The following CELF2 variants were observed in gnomAD, a reference collection of about 807,000 sequenced individuals.
CELF2 encodes the protein CUG triplet repeat RNA-binding protein 2.
In CELF2, 8 loss-of-function variants were observed where a neutral mutation model predicts 62.6. The observed-to-expected ratio is 0.13, with a 90% CI of 0.07 to 0.23. The LOEUF (loss-of-function observed/expected upper bound fraction) is 0.23, where lower values mean the gene tolerates loss of function less well. CELF2 is among the 10% of genes least tolerant of loss of function. The pLI, the probability that CELF2 is intolerant of heterozygous loss-of-function variation, is 1.00. For synonymous variants in CELF2, 258 were observed against 250.0 expected (o/e 1.03, Z -0.30); for missense variants, 333 against 671.0 (o/e 0.50, Z 5.56).
At chr10:10,748,526 A>T in the CELF2 span, among the ~76,000 whole-genome samples, 1 of 152,148 alleles carries the variant, frequency 6.6e-6, no homozygotes, top group East Asian at 1.9e-4. Context: ...AGGTGGGCGG[A>T]TCACGAGGTC....
At position 11,243,002 on chromosome 10, in the gene CELF2, G is replaced by A. The variant is rs1213311591; in HGVS notation, c.355-6151G>A. Among the ~76,000 whole-genome samples the A allele has an allele frequency of 6.6e-6, 1 of 152,164 alleles. No individual in the cohort carries two copies. The highest frequency in any genetic ancestry group is 6.5e-5 in the Admixed American group (1 of 15,276). On this transcript the variant is annotated intron_variant, in intron 3 of 12. Coordinates refer to ENST00000633077, the MANE Select transcript of CELF2 (RefSeq NM_001326342.2). The surrounding 1 kb of genome is among the most constrained non-coding windows in gnomAD (Gnocchi z 4.1). Reference sequence around the variant, plus strand: ...GTCGTGGGTGCAGAAGCTTAGCTTTGGGGTAGAAGGGACAGTGGGCCAGGG... The same window carrying A: ...GTCGTGGGTGCAGAAGCTTAGCTTTAGGGTAGAAGGGACAGTGGGCCAGGG...
At chr10:10,780,628 C>G in the CELF2 span, among the ~76,000 whole-genome samples, 1 of 152,066 alleles carries the variant, frequency 6.6e-6, no homozygotes, top group Non-Finnish European at 1.5e-5. Context: ...TTACAGGCGC[C>G]TGCTACCGTG....
rs139626987 is a variant in CELF2 at position 11,318,996 on chromosome 10, G to A, written c.1097-2193G>A. 2.5e-4 allele frequency: 120 copies of A among 471,094 alleles called. 1 individual carries two copies. Among genetic ancestry groups the A allele is most frequent in the South Asian group, 1.7e-3 (109 of 64,566 alleles). The allele number at this position is 471,094 out of a possible 1,614,324, so 29.2% of individuals were successfully genotyped here. On this transcript the variant is annotated intron_variant, in intron 10 of 12. Coordinates refer to ENST00000633077, the MANE Select transcript of CELF2 (RefSeq NM_001326342.2). The surrounding 1 kb of genome is among the most constrained non-coding windows in gnomAD (Gnocchi z 5.4). The stretch of plus-strand genomic sequence containing the variant: ...GAACTTGGAGGCGTCCACTGGAGAC[G>A]AGCTGCTGTCTTCAGCCCGTCCTCG...
chr10:11,096,580 GCTAA>G (rs1246976459), intron 1 of CELF2, among the ~76,000 whole-genome samples: 1 of 152,184 alleles, frequency 6.6e-6, no homozygotes, highest in Non-Finnish European at 1.5e-5. Flanking sequence ...GTTGCACGGA[GCTAA>G]CTGAGAGCAG....
the CELF2 span, among the ~76,000 whole-genome samples, chr10:10,757,400 A>C: frequency 2.0e-5 from 3 of 152,216 alleles, no homozygotes; most frequent in Non-Finnish European, 4.4e-5. Context: ...TAGAGGCTGC[A>C]GTGGGAATTA....
chr10:11,081,064 A>G (rs1404438131), intron 1 of CELF2, among the ~76,000 whole-genome samples: 1 of 139,472 alleles, frequency 7.2e-6, no homozygotes, highest in Admixed American at 7.0e-5. Context: ...CTTAGAAAAA[A>G]TTATTCTTTA....
At chr10:11,281,374 C>T (rs971473515) in intron 8 of CELF2, among the ~76,000 whole-genome samples, 6 of 152,102 alleles carry the variant, frequency 3.9e-5, no homozygotes, top group Admixed American at 6.6e-5. Context: ...ACTGAGGCAG[C>T]GGCGGACGAG....
Position 11,306,412 on chromosome 10 carries a change from GGA to G in CELF2, c.977-7723_977-7722del, listed in dbSNP as rs2094213530. On this transcript the variant is annotated intron_variant, in intron 9 of 12. Coordinates refer to ENST00000633077, the MANE Select transcript of CELF2 (RefSeq NM_001326342.2). The surrounding 1 kb of genome is among the most constrained non-coding windows in gnomAD (Gnocchi z 4.4). ...CTTGCCAGCCTGCCAGCACAGAAAT[GGA>G]GAGTCTGGGTGTTGGTGGCACCGCA... 6.6e-6 allele frequency among the ~76,000 whole-genome samples: 1 copy of G among 152,016 alleles called. No individual in the cohort carries two copies. Among genetic ancestry groups the G allele is most frequent in the African/African-American group, 2.4e-5 (1 of 41,380 alleles).
the CELF2 span, among the ~76,000 whole-genome samples, chr10:10,739,473 G>T: frequency 6.6e-6 from 1 of 152,040 alleles, no homozygotes; most frequent in African/African-American, 2.4e-5. Flanking sequence ...TAGACTTACA[G>T]AAAAGTTGCA....
chr10:10,940,040 A>G (rs1168327452), intron 2 of CELF2, among the ~76,000 whole-genome samples: 3 of 152,184 alleles, frequency 2.0e-5, no homozygotes, highest in African/African-American at 7.2e-5. Context: ...AGTTTTTGAA[A>G]ATAGCATTTT....
intron 1 of CELF2, among the ~76,000 whole-genome samples, chr10:11,032,561 G>A (rs941456714): frequency 3.9e-5 from 6 of 152,240 alleles, no homozygotes; most frequent in African/African-American, 1.2e-4. Context: ...GAAAACTAAT[G>A]AGAGGAAGAA....
chr10:11,313,859 A>G (rs1299567794), intron 9 of CELF2, among the ~76,000 whole-genome samples: 4 of 152,032 alleles, frequency 2.6e-5, no homozygotes, highest in Non-Finnish European at 5.9e-5. Context: ...TGTCAACTTC[A>G]TTATGTCTAA....
chr10:11,015,028 G>A (rs529313679), upstream of CELF2, among the ~76,000 whole-genome samples: 2 of 152,276 alleles, frequency 1.3e-5, no homozygotes, highest in African/African-American at 4.8e-5. The surrounding 1 kb of genome is among the most constrained non-coding windows in gnomAD (Gnocchi z 4.8). Context: ...TGATGGCGTC[G>A]TCCCCTCCAC....
At chr10:11,073,543 G>A (rs2070826127) in intron 1 of CELF2, among the ~76,000 whole-genome samples, 1 of 152,172 alleles carries the variant, frequency 6.6e-6, no homozygotes, top group Non-Finnish European at 1.5e-5. Context: ...TATAAAAATA[G>A]CCAAATTTGC....
chr10:10,653,227 G>C, the CELF2 span, among the ~76,000 whole-genome samples: 5 of 152,078 alleles, frequency 3.3e-5, no homozygotes, highest in Admixed American at 1.3e-4. Flanking sequence ...CAAGTCCTGA[G>C]TGACCTACAA....
At chr10:11,167,996 G>A (rs1037612089) in intron 2 of CELF2, among the ~76,000 whole-genome samples, 5 of 152,206 alleles carry the variant, frequency 3.3e-5, no homozygotes, top group African/African-American at 1.2e-4. Flanking sequence ...GCGTCTTCAT[G>A]AGATGAGATG....
rs1389820848 is a variant in CELF2 at position 11,268,761 on chromosome 10, T to G, written c.619-1905T>G. On this transcript the variant is annotated intron_variant, in intron 6 of 12. Transcript: ENST00000633077. The surrounding 1 kb of genome is among the most constrained non-coding windows in gnomAD (Gnocchi z 4.7). ...ATTATGCAGTCACATTATAATTGTTTGACTAACGTTGTTTATTTTTAACTA... is the reference window on the plus strand; with the variant it reads ...ATTATGCAGTCACATTATAATTGTTGGACTAACGTTGTTTATTTTTAACTA... Among the ~76,000 whole-genome samples the G allele has an allele frequency of 6.6e-6, 1 of 152,230 alleles. No individual in the cohort carries two copies. Among genetic ancestry groups the G allele is most frequent in the South Asian group, 2.1e-4 (1 of 4,834 alleles).
rs916544790 is a variant in CELF2, at chr10:11,320,711, G to A, written c.1097-478G>A. ...CATTTCCTCATCACACGGCCTAAGG[G>A]AAAAAAGTTTTATTTCATCCTTTCC... On this transcript the variant is annotated intron_variant, in intron 10 of 12. Coordinates refer to ENST00000633077, the MANE Select transcript of CELF2 (RefSeq NM_001326342.2). 6 of 841,214 alleles carry A rather than the reference G, an allele frequency of 7.1e-6. No individual in the cohort carries two copies. The African/African-American group carries it at 1.0e-4, about 14-fold the overall frequency. 52.1% of individuals were successfully genotyped at this position (841,214 alleles called of 1,614,324 possible).
chr10:10,970,018 C>A (rs1564286039), intron 2 of CELF2, among the ~76,000 whole-genome samples: 1 of 152,180 alleles, frequency 6.6e-6, no homozygotes, highest in Non-Finnish European at 1.5e-5. Context: ...GAAATAACTA[C>A]AATGACATCT....
Sources: allele counts gnomAD v4.1 joint callset (sites outside exome capture counted in the v4.1 genomes callset), GRCh38; gene constraint gnomAD v4.1.1; non-coding constraint Gnocchi (gnomAD v3.1); transcripts MANE v1.5; gene names NCBI Gene and HGNC (gene_info 2026-07-23, HGNC 2026-07-21).